The following ATXN1 variants were observed in gnomAD, a reference collection of about 807,000 sequenced individuals.
ATXN1 encodes ataxin 1, also known as ataxin-1.
ATXN1 carries 8 observed loss-of-function variants against 56.4 expected under a neutral mutation model. The ratio of observed to expected loss-of-function variants is 0.14; its 90% CI spans 0.08 to 0.26. The LOEUF (loss-of-function observed/expected upper bound fraction) is 0.26, where lower values mean the gene tolerates loss of function less well. ATXN1 is among the 10% of genes least tolerant of loss of function. The pLI is 1.00. For missense variants in ATXN1, 987 were observed against 1,106.5 expected (o/e 0.89, Z 1.53); for synonymous variants, 514 against 494.6 (o/e 1.04, Z -0.52).
intron 6 of ATXN1, among the ~76,000 whole-genome samples, chr6:16,455,177 A>T (rs1759839755): frequency 6.6e-6 from 1 of 152,208 alleles, no homozygotes; most frequent in Admixed American, 6.5e-5. Context: ...ACTCATCTTG[A>T]TGTAAAAAAG....
intron 7 of ATXN1, among the ~76,000 whole-genome samples, chr6:16,317,513 C>T (rs1023087989): frequency 3.9e-5 from 6 of 152,002 alleles, no homozygotes; most frequent in African/African-American, 9.7e-5. Flanking sequence ...TTAGTAGAGA[C>T]GGGTTTTCAC....
At chr6:16,590,408 G>A (rs1193428529) in intron 3 of ATXN1, among the ~76,000 whole-genome samples, 4 of 152,154 alleles carry the variant, frequency 2.6e-5, no homozygotes, top group Non-Finnish European at 1.5e-5. Flanking sequence ...GTTATTTTAC[G>A]AAGCAAACTC....
At chr6:16,646,562 C>T (rs908669455) in intron 3 of ATXN1, among the ~76,000 whole-genome samples, 7 of 152,216 alleles carry the variant, frequency 4.6e-5, no homozygotes, top group Non-Finnish European at 8.8e-5. Context: ...CACCTTAACC[C>T]TGGGCTCAAA....
At chr6:16,659,750 C>T (rs1758278989) in intron 2 of ATXN1, among the ~76,000 whole-genome samples, 1 of 152,144 alleles carries the variant, frequency 6.6e-6, no homozygotes, top group African/African-American at 2.4e-5. Context: ...ATGATACTTC[C>T]TCATAGTACT....
intron 6 of ATXN1, among the ~76,000 whole-genome samples, chr6:16,484,890 A>T (rs1304218379): frequency 6.6e-6 from 1 of 151,658 alleles, no homozygotes; most frequent in Non-Finnish European, 1.5e-5. Context: ...AAAAATAGGT[A>T]ATACATGTTC....
At chr6:16,418,944 C>T (rs1281117669) in intron 6 of ATXN1, among the ~76,000 whole-genome samples, 1 of 152,050 alleles carries the variant, frequency 6.6e-6, no homozygotes, top group Non-Finnish European at 1.5e-5. Flanking sequence ...TTTCAGGCCT[C>T]GATATGCCCA....
chr6:16,599,412 TA>T (rs1222527048), intron 3 of ATXN1, among the ~76,000 whole-genome samples: 6 of 147,706 alleles, frequency 4.1e-5, no homozygotes, highest in East Asian at 2.0e-4. Flanking sequence ...TGTTATTCAT[TA>T]AAAAAAAAAC....
At chr6:16,528,551 T>C (rs1291274832) in intron 4 of ATXN1, among the ~76,000 whole-genome samples, 3 of 152,224 alleles carry the variant, frequency 2.0e-5, no homozygotes, top group Non-Finnish European at 2.9e-5. Context: ...GGACTAACTT[T>C]TGGAAATGTT....
chr6:16,527,120 C>A (rs544761167), intron 4 of ATXN1, among the ~76,000 whole-genome samples: 1 of 151,768 alleles, frequency 6.6e-6, no homozygotes, highest in Non-Finnish European at 1.5e-5. Flanking sequence ...TAAGTTCCTT[C>A]TCAAAGAGAA....
intron 4 of ATXN1, among the ~76,000 whole-genome samples, chr6:16,557,803 T>C (rs992589580): frequency 6.6e-6 from 1 of 152,162 alleles, no homozygotes; most frequent in Non-Finnish European, 1.5e-5. Context: ...CTAATTCACA[T>C]CCTGCACTAA....
intron 6 of ATXN1, among the ~76,000 whole-genome samples, chr6:16,389,208 G>A (rs964727693): frequency 3.3e-5 from 5 of 152,108 alleles, no homozygotes; most frequent in Admixed American, 6.5e-5. Flanking sequence ...GTGGTGGCAC[G>A]CGCCTGTCAT....
rs187081056 is a variant in ATXN1 at position 16,311,980 on chromosome 6, G to A, written c.1918-5121C>T. On this transcript the variant is annotated intron_variant, in intron 7 of 7. Coordinates refer to ENST00000436367, the MANE Select transcript of ATXN1 (RefSeq NM_001128164.2). ...CTCTTTTCTGGTTCTGCGTGTTCCC[G>A]GATAACTCCCTGTCTCCTTGCTGGC... 4.5e-4 allele frequency among the ~76,000 whole-genome samples: 69 copies of A among 152,276 alleles called. 1 individual carries two copies. Among genetic ancestry groups the A allele is most frequent in the African/African-American group, 4.1e-4 (17 of 41,542 alleles).
intron 4 of ATXN1, among the ~76,000 whole-genome samples, chr6:16,580,537 T>C (rs2113759829): frequency 6.6e-6 from 1 of 152,332 alleles, no homozygotes. Context: ...ATTGTAAGCT[T>C]TGATATCAAC....
At chr6:16,487,175 A>G (rs235147) in intron 5 of ATXN1, among the ~76,000 whole-genome samples, 86,248 of 151,912 alleles carry the variant, frequency 0.57, 24,896 homozygotes, top group South Asian at 0.76. Flanking sequence ...TGAGGATGAC[A>G]AGAAACAGAA....
intron 3 of ATXN1, among the ~76,000 whole-genome samples, chr6:16,641,960 G>GA: frequency 6.6e-6 from 1 of 152,298 alleles, no homozygotes; most frequent in East Asian, 1.9e-4. Flanking sequence ...GTGGAGGAAG[G>GA]AACTGCAGAT....
At chr6:16,699,620 AG>A (rs1466731403) in intron 2 of ATXN1, among the ~76,000 whole-genome samples, 1 of 152,232 alleles carries the variant, frequency 6.6e-6, no homozygotes, top group Admixed American at 6.5e-5. Flanking sequence ...TGTGACTTCC[AG>A]GGAGAGGTAA....
At chr6:16,329,730 C>G (rs1760936758) in intron 6 of ATXN1, among the ~76,000 whole-genome samples, 1 of 152,194 alleles carries the variant, frequency 6.6e-6, no homozygotes, top group Non-Finnish European at 1.5e-5. Context: ...ACAGCTCTTT[C>G]AGACAAATCA....
At chr6:16,665,542 TGGGTGG>T (rs1758406998) in intron 2 of ATXN1, among the ~76,000 whole-genome samples, 1 of 36,768 alleles carries the variant, frequency 2.7e-5, no homozygotes, top group Admixed American at 4.0e-4. Context: ...GAAAAGGTCT[TGGGTGG>T]GGGTGGGGGG....
intron 3 of ATXN1, among the ~76,000 whole-genome samples, chr6:16,649,089 C>A (rs1368613753): frequency 6.6e-6 from 1 of 152,060 alleles, no homozygotes; most frequent in East Asian, 1.9e-4. Flanking sequence ...ATTCTGAATT[C>A]CTTGTCACAC....
Sources: allele counts gnomAD v4.1 joint callset (sites outside exome capture counted in the v4.1 genomes callset), GRCh38; gene constraint gnomAD v4.1.1; transcripts MANE v1.5; gene names NCBI Gene and HGNC (gene_info 2026-07-23, HGNC 2026-07-21).